The following PLCB4 variants were observed in gnomAD, a reference collection of about 807,000 sequenced individuals.
The protein encoded by PLCB4 is 1-phosphatidylinositol 4,5-bisphosphate phosphodiesterase beta-4.
In PLCB4, 77 loss-of-function variants were observed where a neutral mutation model predicts 178.8. The ratio of observed to expected loss-of-function variants is 0.43; its 90% confidence interval spans 0.36 to 0.52. The LOEUF (loss-of-function observed/expected upper bound fraction) is 0.52. Among genes scored for constraint, PLCB4 ranks in the 20% least tolerant of loss-of-function variants. The probability of loss-of-function intolerance (pLI) is 0.00; values close to 1 mark genes in which losing one functional copy is unlikely to be tolerated. For missense variants in PLCB4, 1,024 were observed against 1,453.4 expected, an observed-to-expected ratio of 0.70 and a Z score of 4.80; for synonymous variants, 496 against 490.8, an observed-to-expected ratio of 1.01 and a Z score of -0.14.
chr20:9,121,067 T>G (rs2091950292), intron 2 of PLCB4, among the ~76,000 whole-genome samples: 1 of 152,150 alleles, frequency 6.6e-6, no homozygotes, highest in Admixed American at 6.5e-5. Flanking sequence ...TCTTTAGATC[T>G]CTCTGGAAGG....
chr20:9,441,697 C>T (rs2042114042), intron 30 of PLCB4, among the ~76,000 whole-genome samples: 1 of 152,166 alleles, frequency 6.6e-6, no homozygotes, highest in Non-Finnish European at 1.5e-5. Context: ...CTCCTGTCAG[C>T]CTTTTCTTGA....
Position 9,091,501 on chromosome 20 carries a change from T to C in PLCB4, c.-134-4786T>C, listed in dbSNP as rs558302700. 5.0e-4 allele frequency among the ~76,000 whole-genome samples: 76 copies of C among 151,998 alleles called. 1 individual carries two copies. Among genetic ancestry groups the C allele is most frequent in the African/African-American group, 1.7e-3 (72 of 41,478 alleles). ...GAGAAGCAGCATTGTACAGCAGAAA[T>C]GTGAGAGCTGACTTTCCTAGGTTCT... On this transcript the variant is annotated intron_variant, in intron 1 of 39. Transcript: ENST00000378473.
chr20:9,388,702 ACT>A (rs762131266), intron 15 of PLCB4, among the ~76,000 whole-genome samples: 2 of 152,026 alleles, frequency 1.3e-5, no homozygotes, highest in African/African-American at 4.8e-5. Flanking sequence ...ACAGAGCGAG[ACT>A]CTGTCTCAAA....
chr20:9,128,172 C>T (rs1473355105), intron 2 of PLCB4, among the ~76,000 whole-genome samples: 4 of 151,998 alleles, frequency 2.6e-5, no homozygotes, highest in Non-Finnish European at 4.4e-5. Flanking sequence ...ACATGAGATC[C>T]GGTTGTTTAA....
At chr20:9,443,496 C>T (rs2042229800) in intron 30 of PLCB4, among the ~76,000 whole-genome samples, 1 of 152,174 alleles carries the variant, frequency 6.6e-6, no homozygotes, top group African/African-American at 2.4e-5. Context: ...ATGAGAGTTC[C>T]CTTGCCTGAA....
intron 3 of PLCB4, among the ~76,000 whole-genome samples, chr20:9,293,914 A>C (rs566907902): frequency 1.2e-3 from 182 of 152,264 alleles, no homozygotes; most frequent in African/African-American, 4.2e-3. Flanking sequence ...AGAAGAAAAG[A>C]GAAATGTGCA....
In PLCB4 at chr20:9,313,339, G is replaced by T. The variant is rs2094858516; in HGVS notation, c.84+5441G>T. Among the ~76,000 whole-genome samples the T allele has an allele frequency of 3.3e-5, 5 of 152,116 alleles. No homozygotes were observed. The South Asian group carries it at 1.0e-3, about 32-fold the overall frequency. On this transcript the variant is annotated intron_variant, in intron 4 of 39. Coordinates refer to ENST00000378473, the MANE Select transcript of PLCB4 (RefSeq NM_001377142.1). Reference sequence around the variant, plus strand: ...TTACCTTTATCTATTTAAAGTAAGGGTGCCAGACAGATGCTGGAAATTAGA... The same window carrying T: ...TTACCTTTATCTATTTAAAGTAAGGTTGCCAGACAGATGCTGGAAATTAGA...
intron 2 of PLCB4, among the ~76,000 whole-genome samples, chr20:9,167,888 T>C (rs534261420): frequency 1.3e-5 from 2 of 152,350 alleles, no homozygotes; most frequent in Admixed American, 1.3e-4. Flanking sequence ...ATAAACAATC[T>C]TAATTATAAT....
At chr20:9,324,607 G>A (rs1242532275) in intron 4 of PLCB4, among the ~76,000 whole-genome samples, 1 of 152,142 alleles carries the variant, frequency 6.6e-6, no homozygotes, top group African/African-American at 2.4e-5. Flanking sequence ...AGGTCCTCAG[G>A]ATAAGCCTCC....
chr20:9,401,525 T>C lies in PLCB4; in HGVS notation c.1546T>C (p.Phe516Leu), dbSNP rs199831187. 91 of 1,613,764 alleles carry C rather than the reference T, an allele frequency of 5.6e-5. No homozygotes were observed. The highest frequency in any genetic ancestry group is 6.7e-5 in the Non-Finnish European group (79 of 1,179,890). ...QEEEAHPEFK[F>L]GNELSADDLG... is the part of the protein sequence containing the mutation. Reference sequence around the variant, plus strand: ...GGAGGAAGCTCACCCCGAATTCAAATTTGGAAATGAACTTTCTGCTGATGA... The same window carrying C: ...GGAGGAAGCTCACCCCGAATTCAAACTTGGAAATGAACTTTCTGCTGATGA... Residue 516 changes from phenylalanine to leucine, a missense_variant, in exon 20 of 40, where the codon TTT (phenylalanine) becomes CTT (leucine). Physicochemically the swap from Phe to Leu is conservative, Grantham distance 22 (BLOSUM62 0). Around this residue, in one of 7 missense-constraint regions of PLCB4, gnomAD observed 263 missense variants for 417.4 expected, o/e 0.63. Coordinates refer to ENST00000378473, the MANE Select transcript of PLCB4 (RefSeq NM_001377142.1).
At chr20:9,415,267 T>C (rs6056604) in intron 25 of PLCB4, among the ~76,000 whole-genome samples, 23,674 of 152,126 alleles carry the variant, frequency 0.16, 3,084 homozygotes, top group African/African-American at 0.34. Context: ...TATTTTCCAA[T>C]TTTTATATTA....
chr20:9,228,555 A>T (rs2093894608), intron 3 of PLCB4, among the ~76,000 whole-genome samples: 1 of 152,140 alleles, frequency 6.6e-6, no homozygotes, highest in Admixed American at 6.5e-5. Flanking sequence ...TGGATAGAAA[A>T]GGGCTTTAAC....
intron 4 of PLCB4, among the ~76,000 whole-genome samples, chr20:9,320,278 A>G (rs1454258313): frequency 6.6e-6 from 1 of 152,178 alleles, no homozygotes; most frequent in East Asian, 1.9e-4. Flanking sequence ...TAACTTCCGG[A>G]CATTGCCGTG....
chr20:9,407,791 G>C, intron 21 of PLCB4, 126 bp from the exon 22 acceptor site: 1 of 701,566 alleles, frequency 1.4e-6, no homozygotes. Flanking sequence ...GCATAATTGA[G>C]GAAGAAAAAG....
intron 30 of PLCB4, among the ~76,000 whole-genome samples, chr20:9,437,867 T>C (rs1602712335): frequency 6.6e-6 from 1 of 152,190 alleles, no homozygotes; most frequent in East Asian, 1.9e-4. Flanking sequence ...ACCTATCACA[T>C]TGTGTTAATA....
At chr20:9,458,523 T>A (rs2043192436) in intron 34 of PLCB4, among the ~76,000 whole-genome samples, 1 of 152,178 alleles carries the variant, frequency 6.6e-6, no homozygotes, top group South Asian at 2.1e-4. Context: ...GGTCAGAAAT[T>A]TGGGCCATAC....
At chr20:9,310,367 A>T (rs1428602434) in intron 4 of PLCB4, among the ~76,000 whole-genome samples, 1 of 152,156 alleles carries the variant, frequency 6.6e-6, no homozygotes, top group Non-Finnish European at 1.5e-5. Context: ...TAACGTTATC[A>T]TCATGAACTC....
At chr20:9,411,154 C>A in intron 25 of PLCB4, 66 bp downstream of exon 25, 1 of 1,075,386 alleles carries the variant, frequency 9.3e-7, no homozygotes, top group Non-Finnish European at 1.4e-6. Context: ...TCTAATGAAG[C>A]CATGTCATTT....
At chr20:9,209,367 T>G (rs2093648098) in intron 2 of PLCB4, among the ~76,000 whole-genome samples, 2 of 152,126 alleles carry the variant, frequency 1.3e-5, no homozygotes, top group East Asian at 3.8e-4. Flanking sequence ...GGCAGAATTC[T>G]AAGGTGGCCC....
Sources: allele counts gnomAD v4.1 joint callset (sites outside exome capture counted in the v4.1 genomes callset), GRCh38; gene constraint gnomAD v4.1.1; regional missense constraint gnomAD v4.1.1; transcripts MANE v1.5; gene names NCBI Gene and HGNC (gene_info 2026-07-23, HGNC 2026-07-21).